Variants in RAMP3 observed in about 807,000 individuals in gnomAD.
RAMP3 encodes receptor activity modifying protein 3.
A neutral mutation model predicts 13.5 loss-of-function variants in RAMP3; 14 were observed. That is an observed-to-expected ratio of 1.04 (90% CI 0.69 to 1.63). The LOEUF is 1.63. RAMP3 is among the 40% of genes most tolerant of loss of function. The pLI is 0.00. For missense variants in RAMP3, 200 were observed against 204.8 expected (o/e 0.98, Z 0.14); for synonymous variants, 106 against 88.3 (o/e 1.20, Z -1.12).
At position 45,183,694 on chromosome 7, in the gene RAMP3, G is replaced by C; in HGVS notation, c.*282G>C. 1.7e-6 allele frequency: 1 copy of C among 585,576 alleles called. No homozygotes were observed. The highest frequency in any genetic ancestry group is 3.0e-6 in the Non-Finnish European group (1 of 328,898). 36.3% of individuals were successfully genotyped at this position (585,576 alleles called of 1,614,324 possible). ...GTGCTGGGCACAGAAATCACCTGCTGCATCCTGTGCTCCGCAGGCTGGGCC... is the reference window on the plus strand; with the variant it reads ...GTGCTGGGCACAGAAATCACCTGCTCCATCCTGTGCTCCGCAGGCTGGGCC... On this transcript the variant is annotated 3_prime_UTR_variant, in exon 3 of 3. Coordinates refer to ENST00000242249, the MANE Select transcript of RAMP3 (RefSeq NM_005856.3).
intron 1 of RAMP3, among the ~76,000 whole-genome samples, chr7:45,171,143 C>T (rs531954942): frequency 6.6e-6 from 1 of 150,774 alleles, no homozygotes; most frequent in South Asian, 2.1e-4. Flanking sequence ...TTCTTTCCAT[C>T]TTTGATTTCC....
At position 45,183,198 on chromosome 7, in the gene RAMP3, A is replaced by G. The variant is rs1426934407; in HGVS notation, c.233A>G (p.Asn78Ser). 9 of 1,613,356 alleles carry G rather than the reference A, an allele frequency of 5.6e-6. No homozygotes were observed. Among genetic ancestry groups the G allele is most frequent in the Non-Finnish European group, 6.8e-6 (8 of 1,179,984 alleles). ...ACCAACTGCACCGAGATGGAGGCCA[A>G]TGTCGTGGGCTGCTACTGGCCCAAC... is the stretch of plus-strand genomic sequence containing the variant. ...SFTNCTEMEA[N>S]VVGCYWPNPL... The change falls in exon 3 of 3, where the codon AAT becomes AGT. Residue 78 changes from asparagine (N) to serine (S), a missense_variant. Physicochemically the swap from Asn to Ser is conservative, Grantham distance 46. Coordinates refer to ENST00000242249, the MANE Select transcript of RAMP3 (RefSeq NM_005856.3).
At chr7:45,182,067 T>C (rs1299584160) in intron 2 of RAMP3, among the ~76,000 whole-genome samples, 1 of 152,158 alleles carries the variant, frequency 6.6e-6, no homozygotes, top group Admixed American at 6.5e-5. Flanking sequence ...TCTGATGCTT[T>C]GGGAAATCTA....
At chr7:45,180,104 C>T (rs1281391970) in intron 2 of RAMP3, among the ~76,000 whole-genome samples, 1 of 152,262 alleles carries the variant, frequency 6.6e-6, no homozygotes, top group African/African-American at 2.4e-5. Context: ...ACATACCTTT[C>T]TCAAGCTCTG....
intron 1 of RAMP3, among the ~76,000 whole-genome samples, chr7:45,168,448 TA>T (rs1302365752): frequency 1.3e-5 from 2 of 151,782 alleles, no homozygotes; most frequent in African/African-American, 4.8e-5. Flanking sequence ...AACAGTGTTT[TA>T]TACTTTTCGG....
intron 1 of RAMP3, among the ~76,000 whole-genome samples, chr7:45,174,160 C>T (rs943834856): frequency 3.3e-5 from 5 of 152,220 alleles, no homozygotes; most frequent in African/African-American, 7.2e-5. Flanking sequence ...ACAGCAGGCC[C>T]GGCATGCACA....
chr7:45,166,432 T>A (rs1051221605), intron 1 of RAMP3, among the ~76,000 whole-genome samples: 1 of 152,238 alleles, frequency 6.6e-6, no homozygotes, highest in Non-Finnish European at 1.5e-5. Flanking sequence ...TTGTCTTTCA[T>A]GTGCTTATTG....
chr7:45,167,106 CG>C (rs917270374), intron 1 of RAMP3, among the ~76,000 whole-genome samples: 1 of 151,908 alleles, frequency 6.6e-6, no homozygotes, highest in Non-Finnish European at 1.5e-5. Flanking sequence ...TACAGGTGCC[CG>C]CTACCTCGCC....
At chr7:45,175,909 T>C (rs1584074656) in intron 1 of RAMP3, among the ~76,000 whole-genome samples, 1 of 152,272 alleles carries the variant, frequency 6.6e-6, no homozygotes, top group African/African-American at 2.4e-5. Flanking sequence ...GTGGAGCAGG[T>C]CCCTGCACCA....
intron 2 of RAMP3, among the ~76,000 whole-genome samples, chr7:45,178,739 G>A (rs182841596): frequency 2.4e-4 from 37 of 152,360 alleles, no homozygotes; most frequent in African/African-American, 8.7e-4. Context: ...TAGCTTCGTA[G>A]CTTCTGGTCT....
chr7:45,160,956 C>T (rs1785855504), intron 1 of RAMP3, among the ~76,000 whole-genome samples: 3 of 152,232 alleles, frequency 2.0e-5, no homozygotes, highest in African/African-American at 7.2e-5. Context: ...GCCTCATGTG[C>T]ACTAGAAATG....
At chr7:45,168,659 C>CTCTG (rs4049328) in intron 1 of RAMP3, among the ~76,000 whole-genome samples, 38,381 of 151,812 alleles carry the variant, frequency 0.25, 5,985 homozygotes, top group African/African-American at 0.44. Context: ...CAGTCTCTCT[C>CTCTG]TGTGTGTGCC....
In RAMP3 at chr7:45,183,310, A is replaced by G; in HGVS notation, c.345A>G (p.Pro115=). 1 of 1,614,088 alleles carries G rather than the reference A, an allele frequency of 6.2e-7. No homozygotes were observed. Among genetic ancestry groups the G allele is most frequent in the Non-Finnish European group, 8.5e-7 (1 of 1,180,026 alleles). ...TVDRVHLEDP[P]DEVLIPLIVI... ...ACAGGGTCCACTTGGAGGACCCCCC[A>G]GACGAGGTTCTCATCCCGCTGATCG... Residue 115 remains proline, a synonymous_variant, in exon 3 of 3, where the codon CCA becomes CCG. Transcript: ENST00000242249.
chr7:45,161,493 G>A (rs1394423117), intron 1 of RAMP3, among the ~76,000 whole-genome samples: 1 of 151,992 alleles, frequency 6.6e-6, no homozygotes, highest in African/African-American at 2.4e-5. Flanking sequence ...GTAGGGAGGT[G>A]GGCTGTAGGA....
At chr7:45,175,778 C>A (rs567603236) in intron 1 of RAMP3, among the ~76,000 whole-genome samples, 1 of 152,278 alleles carries the variant, frequency 6.6e-6, no homozygotes, top group South Asian at 2.1e-4. Flanking sequence ...TGGCCTTAGA[C>A]AAGCCACTCC....
chr7:45,172,259 A>G (rs903720069), intron 1 of RAMP3, among the ~76,000 whole-genome samples: 1 of 152,236 alleles, frequency 6.6e-6, no homozygotes, highest in African/African-American at 2.4e-5. Context: ...GAGCTGGGGT[A>G]GAGAGAACCT....
chr7:45,165,990 A>G (rs2128655836), intron 1 of RAMP3, among the ~76,000 whole-genome samples: 1 of 152,290 alleles, frequency 6.6e-6, no homozygotes, highest in South Asian at 2.1e-4. Flanking sequence ...ATGAATCTTC[A>G]TGTAAAAATC....
chr7:45,166,201 G>T (rs1184636060), intron 1 of RAMP3, among the ~76,000 whole-genome samples: 1 of 150,034 alleles, frequency 6.7e-6, no homozygotes, highest in African/African-American at 2.5e-5. Context: ...CTGAGAGAGG[G>T]TCTCATTCTG....
At chr7:45,182,737 G>T (rs1358976004) in intron 2 of RAMP3, among the ~76,000 whole-genome samples, 2 of 152,144 alleles carry the variant, frequency 1.3e-5, no homozygotes, top group African/African-American at 2.4e-5. Flanking sequence ...GCCTCAGAGA[G>T]ACCCTCCTCT....
Sources: allele counts gnomAD v4.1 joint callset (sites outside exome capture counted in the v4.1 genomes callset), GRCh38; gene constraint gnomAD v4.1.1; transcripts MANE v1.5; gene names NCBI Gene and HGNC (gene_info 2026-07-23, HGNC 2026-07-21).